PCDH9: variants seen among roughly 807,000 people sequenced by gnomAD.
PCDH9 encodes protocadherin 9.
PCDH9 carries 24 observed loss-of-function variants against 70.6 expected under a neutral mutation model. The observed-to-expected ratio is 0.34, with a 90% confidence interval of 0.25 to 0.48. The LOEUF (loss-of-function observed/expected upper bound fraction) is 0.48. PCDH9 is among the 20% of genes least tolerant of loss of function. The pLI is 0.99. For missense variants in PCDH9, 1,281 were observed against 1,503.6 expected, an observed-to-expected ratio of 0.85 and a Z score of 2.45; for synonymous variants, 562 against 558.5, an observed-to-expected ratio of 1.01 and a Z score of -0.09.
At chr13:67,141,945 G>A (rs2087402825) in intron 2 of PCDH9, among the ~76,000 whole-genome samples, 1 of 151,746 alleles carries the variant, frequency 6.6e-6, no homozygotes, top group African/African-American at 2.4e-5. Flanking sequence ...GGTAAGAGTC[G>A]CTTCTACACC....
chr13:66,332,053 C>T (rs1955953834), intron 4 of PCDH9, among the ~76,000 whole-genome samples: 1 of 152,072 alleles, frequency 6.6e-6, no homozygotes, highest in African/African-American at 2.4e-5. Context: ...ATGACAGCGA[C>T]TCAAGGTTGC....
chr13:67,007,317 TA>T (rs928246392), intron 2 of PCDH9, among the ~76,000 whole-genome samples: 1 of 151,826 alleles, frequency 6.6e-6, no homozygotes, highest in African/African-American at 2.4e-5. Context: ...AAATTTTGAG[TA>T]AAAAAACACA....
chr13:66,413,684 T>C (rs1343676266), intron 4 of PCDH9, among the ~76,000 whole-genome samples: 1 of 151,622 alleles, frequency 6.6e-6, no homozygotes, highest in Non-Finnish European at 1.5e-5. Flanking sequence ...AGACTCCATC[T>C]TAAAAAAATA....
chr13:67,010,052 C>T (rs1028144810), intron 2 of PCDH9, among the ~76,000 whole-genome samples: 8 of 151,950 alleles, frequency 5.3e-5, no homozygotes, highest in African/African-American at 1.9e-4. Context: ...GCAAGTTAAT[C>T]AAGTTAATTA....
chr13:67,099,775 G>A (rs1018334242), intron 2 of PCDH9, among the ~76,000 whole-genome samples: 1 of 152,148 alleles, frequency 6.6e-6, no homozygotes, highest in East Asian at 1.9e-4. Flanking sequence ...AGCGAGTGAG[G>A]AGTCTCTAAG....
chr13:66,944,125 T>C (rs1192437187), intron 2 of PCDH9, among the ~76,000 whole-genome samples: 4 of 152,186 alleles, frequency 2.6e-5, no homozygotes, highest in Admixed American at 2.0e-4. Flanking sequence ...ATGTAGATTA[T>C]AGTAATTATT....
rs762880442 is a variant in PCDH9 at position 66,641,087 on chromosome 13, T to C, written c.3139-9676A>G. On this transcript the variant is annotated intron_variant, in intron 3 of 4. Coordinates refer to ENST00000377865, the MANE Select transcript of PCDH9 (RefSeq NM_203487.3). Reference sequence around the variant, plus strand: ...ATGGAGTTTCGCCATGTTGGCCAGCTAGGCTGGTCTCAAACTCCTGACCTC... The same window carrying C: ...ATGGAGTTTCGCCATGTTGGCCAGCCAGGCTGGTCTCAAACTCCTGACCTC... Among the ~76,000 whole-genome samples the C allele has an allele frequency of 3.3e-5, 5 of 152,100 alleles. 1 individual carries two copies. In the Middle Eastern group the frequency reaches 0.014, roughly 414 times the overall value.
intron 2 of PCDH9, among the ~76,000 whole-genome samples, chr13:67,069,872 T>C (rs1483595520): frequency 2.6e-5 from 4 of 152,206 alleles, no homozygotes; most frequent in Middle Eastern, 3.4e-3. Context: ...TTGGGTATAT[T>C]CATAGGATTA....
At chr13:67,162,684 G>C (rs1280014147) in intron 2 of PCDH9, among the ~76,000 whole-genome samples, 1 of 152,098 alleles carries the variant, frequency 6.6e-6, no homozygotes, top group Non-Finnish European at 1.5e-5. Flanking sequence ...AGGAAGATAA[G>C]GTGCTTCAGA....
At position 67,226,738 on chromosome 13, in the gene PCDH9, T is replaced by C. The variant is rs377412868; in HGVS notation, c.1703A>G (p.Asn568Ser). ...ATGATTATGAGTAAACTTGGGGCTA[T>C]TGTCATTCTCATCCAGAACAGTAAC... ...VIVTVLDEND[N>S]SPKFTHNHFQ... is the part of the protein sequence containing the mutation. Residue 568 changes from asparagine (N) to serine (S), a missense_variant, in exon 2 of 5, where the codon AAT becomes AGT. Physicochemically the swap from Asn to Ser is conservative, Grantham distance 46. Transcript: ENST00000377865. The surrounding 1 kb of genome is among the most constrained non-coding windows in gnomAD (Gnocchi z 5.0). 1.9e-6 allele frequency: 3 copies of C among 1,614,058 alleles called. No individual in the cohort carries two copies. Among genetic ancestry groups the C allele is most frequent in the Admixed American group, 1.7e-5 (1 of 60,006 alleles).
chr13:67,049,503 G>A lies in PCDH9; in HGVS notation c.3037-145898C>T, dbSNP rs78715385. 6.0e-4 allele frequency among the ~76,000 whole-genome samples: 92 copies of A among 152,140 alleles called. 4 individuals are homozygous for A. The East Asian group carries it at 0.016, about 27-fold the overall frequency. ...CAAGGGGCAGATTATTATAGTTCTCGCCTCATTGTTGGTGGAGCATAAGCC... is the reference window on the plus strand; with the variant it reads ...CAAGGGGCAGATTATTATAGTTCTCACCTCATTGTTGGTGGAGCATAAGCC... On this transcript the variant is annotated intron_variant, in intron 2 of 4. Transcript: ENST00000377865.
chr13:67,058,691 T>C (rs903719092), intron 2 of PCDH9, among the ~76,000 whole-genome samples: 6 of 152,128 alleles, frequency 3.9e-5, no homozygotes, highest in Admixed American at 6.6e-5. Context: ...ACTGTGTAAC[T>C]GCCTCACATC....
intron 4 of PCDH9, among the ~76,000 whole-genome samples, chr13:66,328,918 T>C (rs1266406754): frequency 6.6e-6 from 1 of 152,198 alleles, no homozygotes; most frequent in African/African-American, 2.4e-5. Context: ...AGCCTTCTTT[T>C]TGTCTCTGAA....
intron 4 of PCDH9, among the ~76,000 whole-genome samples, chr13:66,446,193 G>C (rs1958086683): frequency 6.6e-6 from 1 of 151,982 alleles, no homozygotes; most frequent in African/African-American, 2.4e-5. Flanking sequence ...TTTTGAAACA[G>C]AAAGTCCATT....
At chr13:66,459,707 A>C (rs887994196) in intron 4 of PCDH9, among the ~76,000 whole-genome samples, 8 of 151,986 alleles carry the variant, frequency 5.3e-5, no homozygotes, top group African/African-American at 1.9e-4. Flanking sequence ...ATTAACATGA[A>C]GACAAAATGT....
chr13:66,421,483 C>A (rs1957566780), intron 4 of PCDH9, among the ~76,000 whole-genome samples: 1 of 152,170 alleles, frequency 6.6e-6, no homozygotes, highest in Non-Finnish European at 1.5e-5. Flanking sequence ...GCCCTACAAG[C>A]CAGAAGAGAG....
At chr13:66,646,473 CACG>C (rs2077772549) in intron 3 of PCDH9, among the ~76,000 whole-genome samples, 1 of 152,144 alleles carries the variant, frequency 6.6e-6, no homozygotes. Context: ...ATGCTTAGCA[CACG>C]ACAAGAAATA....
chr13:66,841,962 C>A (rs2081123390), intron 3 of PCDH9, among the ~76,000 whole-genome samples: 1 of 152,088 alleles, frequency 6.6e-6, no homozygotes, highest in Non-Finnish European at 1.5e-5. Context: ...GGAGAAATTA[C>A]AGATGTTAGA....
intron 4 of PCDH9, among the ~76,000 whole-genome samples, chr13:66,622,887 C>A (rs1414657141): frequency 6.6e-6 from 1 of 152,186 alleles, no homozygotes; most frequent in Non-Finnish European, 1.5e-5. Context: ...CCTTTATGAG[C>A]TGTAACACTC....
Sources: gnomAD v4.1 joint callset for allele counts (sites outside exome capture counted in the v4.1 genomes callset) on GRCh38, gnomAD v4.1.1 for gene constraint, Gnocchi (gnomAD v3.1) non-coding constraint, MANE v1.5 for transcripts, NCBI Gene and HGNC (gene_info 2026-07-23, HGNC 2026-07-21) for gene names.